BMPR1B: variants seen among roughly 807,000 people sequenced by gnomAD.
BMPR1B encodes the protein bone morphogenetic protein receptor type 1B.
A neutral mutation model predicts 59.1 loss-of-function variants in BMPR1B; 12 were observed. The observed-to-expected ratio is 0.20, with a 90% CI of 0.13 to 0.33. The LOEUF (loss-of-function observed/expected upper bound fraction) is 0.33. BMPR1B is among the 10% of genes least tolerant of loss of function. The probability of loss-of-function intolerance (pLI) is 1.00; values close to 1 mark genes in which losing one functional copy is unlikely to be tolerated. For missense variants in BMPR1B, 550 were observed against 610.9 expected, an observed-to-expected ratio of 0.90 and a Z score of 1.05; for synonymous variants, 237 against 207.3, an observed-to-expected ratio of 1.14 and a Z score of -1.23.
At chr4:94,818,976 A>T (rs561618123) in intron 1 of BMPR1B, among the ~76,000 whole-genome samples, 25 of 152,124 alleles carry the variant, frequency 1.6e-4, no homozygotes, top group South Asian at 6.2e-4. Context: ...TAGAAAAAAA[A>T]TTTTTAAAAA....
At chr4:95,128,123 G>C (rs1314300288) in intron 8 of BMPR1B, among the ~76,000 whole-genome samples, 3 of 151,810 alleles carry the variant, frequency 2.0e-5, no homozygotes, top group African/African-American at 7.3e-5. Flanking sequence ...TGGACTCAAG[G>C]GATCCTCCCT....
At chr4:95,041,429 T>C (rs1725646289) in intron 3 of BMPR1B, among the ~76,000 whole-genome samples, 1 of 152,176 alleles carries the variant, frequency 6.6e-6, no homozygotes, top group African/African-American at 2.4e-5. Context: ...TCCTGACCTC[T>C]GAAGGCACTG....
rs891720916 is a variant in BMPR1B at position 94,998,153 on chromosome 4, G to T, written c.-18+2019G>T. The stretch of plus-strand genomic sequence containing the variant: ...AAATGCCTTGTCAGTATTATTTTTG[G>T]CTCTGTAGTCCATCCTGACATTGGT... On this transcript the variant is annotated intron_variant, in intron 3 of 12. Transcript: ENST00000515059. 3.0e-4 allele frequency among the ~76,000 whole-genome samples: 46 copies of T among 152,074 alleles called. 1 individual carries two copies. Among genetic ancestry groups the T allele is most frequent in the African/African-American group, 1.1e-3 (44 of 41,498 alleles).
intron 2 of BMPR1B, among the ~76,000 whole-genome samples, chr4:94,991,536 G>A (rs1721759219): frequency 6.6e-6 from 1 of 152,100 alleles, no homozygotes; most frequent in Non-Finnish European, 1.5e-5. Flanking sequence ...CTTTGAACAG[G>A]GACTTGAACG....
intron 2 of BMPR1B, among the ~76,000 whole-genome samples, chr4:94,934,453 GTTTTTT>G (rs371268875): frequency 8.7e-6 from 1 of 115,290 alleles, no homozygotes; most frequent in African/African-American, 3.6e-5. Context: ...CCCAGCTATG[GTTTTTT>G]TTTTTTTTTT....
chr4:94,788,673 T>G (rs1247995148), intron 1 of BMPR1B, among the ~76,000 whole-genome samples: 1 of 152,142 alleles, frequency 6.6e-6, no homozygotes, highest in African/African-American at 2.4e-5. Context: ...GTGCAATTCT[T>G]CACAACCATG....
intron 2 of BMPR1B, among the ~76,000 whole-genome samples, chr4:94,948,613 CT>C (rs1433040869): frequency 1.3e-5 from 2 of 152,084 alleles, no homozygotes; most frequent in Non-Finnish European, 2.9e-5. Flanking sequence ...AGGTCAGGTC[CT>C]TTTTTTAAAG....
At chr4:94,852,045 A>T (rs948460339) in intron 1 of BMPR1B, among the ~76,000 whole-genome samples, 2 of 152,204 alleles carry the variant, frequency 1.3e-5, no homozygotes, top group African/African-American at 4.8e-5. Flanking sequence ...ATAAGAGATT[A>T]TTCAGGTAAC....
intron 1 of BMPR1B, among the ~76,000 whole-genome samples, chr4:94,843,992 G>T (rs1456510220): frequency 6.6e-5 from 6 of 91,312 alleles, no homozygotes; most frequent in Admixed American, 5.2e-4. Context: ...GTAGAATGGT[G>T]GTCCCCAGGG....
At chr4:94,841,619 G>C (rs1197389936) in intron 1 of BMPR1B, among the ~76,000 whole-genome samples, 1 of 152,084 alleles carries the variant, frequency 6.6e-6, no homozygotes, top group South Asian at 2.1e-4. Context: ...CCCTGCTTCG[G>C]CTCGCACACG....
chr4:94,913,591 G>A (rs1206827141), intron 2 of BMPR1B, among the ~76,000 whole-genome samples: 1 of 152,070 alleles, frequency 6.6e-6, no homozygotes, highest in Non-Finnish European at 1.5e-5. Context: ...AGTCTCAGAA[G>A]GTGATTTCTG....
At chr4:94,830,457 C>T (rs912276702) in intron 1 of BMPR1B, among the ~76,000 whole-genome samples, 48 of 151,932 alleles carry the variant, frequency 3.2e-4, no homozygotes, top group African/African-American at 1.1e-3. Context: ...CACTGGTTTT[C>T]GTTAAGTGGC....
intron 2 of BMPR1B, among the ~76,000 whole-genome samples, chr4:94,936,270 G>T (rs2149039154): frequency 6.6e-6 from 1 of 152,318 alleles, no homozygotes; most frequent in East Asian, 1.9e-4. Context: ...TACAGAGGCA[G>T]TTTGCCATAT....
chr4:95,154,113 T>C (rs1735244992), intron 12 of BMPR1B, among the ~76,000 whole-genome samples: 1 of 152,210 alleles, frequency 6.6e-6, no homozygotes. Context: ...CACAGGTCAT[T>C]AATCTTGTTA....
chr4:94,820,203 G>A (rs1210633048), intron 1 of BMPR1B, among the ~76,000 whole-genome samples: 2 of 152,184 alleles, frequency 1.3e-5, no homozygotes, highest in Non-Finnish European at 2.9e-5. Context: ...TTTCTAGGGT[G>A]CCAGACCTTG....
chr4:94,926,048 A>G (rs1246618602), intron 2 of BMPR1B, among the ~76,000 whole-genome samples: 1 of 18,696 alleles, frequency 5.3e-5, no homozygotes, highest in East Asian at 1.5e-3. Context: ...CCTCCCTCCT[A>G]CCCTCCCTCC....
chr4:94,966,502 CAT>C (rs1491380397), intron 2 of BMPR1B, among the ~76,000 whole-genome samples: 1 of 152,040 alleles, frequency 6.6e-6, no homozygotes, highest in Non-Finnish European at 1.5e-5. Context: ...AAGAAAAAGA[CAT>C]ATGACTGCTT....
intron 3 of BMPR1B, among the ~76,000 whole-genome samples, chr4:95,088,918 A>G (rs1221717684): frequency 1.3e-5 from 2 of 152,186 alleles, no homozygotes; most frequent in African/African-American, 2.4e-5. Flanking sequence ...AGGATTCTGT[A>G]GGTAAATACA....
chr4:95,107,191 A>G (rs1195205765), intron 4 of BMPR1B, among the ~76,000 whole-genome samples: 1 of 152,082 alleles, frequency 6.6e-6, no homozygotes. Context: ...GATGTCTGCA[A>G]GATACTAAAG....
Sources: gnomAD v4.1 joint callset for allele counts (sites outside exome capture counted in the v4.1 genomes callset) on GRCh38, gnomAD v4.1.1 for gene constraint, MANE v1.5 for transcripts, NCBI Gene and HGNC (gene_info 2026-07-23, HGNC 2026-07-21) for gene names.